The following SLC30A9 variants were observed in gnomAD, a reference collection of about 807,000 sequenced individuals.
The protein encoded by SLC30A9 is solute carrier family 30 member 9.
A neutral mutation model predicts 87.5 loss-of-function variants in SLC30A9; 58 were observed. The observed-to-expected ratio is 0.66, with a 90% CI of 0.54 to 0.82. SLC30A9 has a LOEUF of 0.82. Among genes scored for constraint, SLC30A9 ranks in the 40% least tolerant of loss-of-function variants. The pLI is 0.00. For synonymous variants in SLC30A9, 234 were observed against 233.0 expected (o/e 1.00, Z -0.04); for missense variants, 557 against 679.1 (o/e 0.82, Z 2.00).
intron 17 of SLC30A9, among the ~76,000 whole-genome samples, chr4:42,083,087 GAT>G (rs1481628644): frequency 3.3e-5 from 5 of 152,076 alleles, no homozygotes; most frequent in Non-Finnish European, 7.4e-5. Flanking sequence ...TGTTTATGAT[GAT>G]TAATGGAAAT....
chr4:42,021,457 T>G (rs1402975530), intron 4 of SLC30A9, among the ~76,000 whole-genome samples: 3 of 152,248 alleles, frequency 2.0e-5, no homozygotes, highest in African/African-American at 7.2e-5. Context: ...ACAGACTTTT[T>G]ATTTATAGAT....
chr4:42,001,828 T>A, intron 2 of SLC30A9, 48 bp downstream of exon 2: 1 of 1,311,116 alleles, frequency 7.6e-7, no homozygotes, highest in East Asian at 2.5e-5. Flanking sequence ...CTGGAATAGT[T>A]TGTGTAAAAT....
intron 17 of SLC30A9, 111 bp downstream of exon 17, chr4:42,078,436 A>G (rs1369231496): frequency 3.2e-6 from 2 of 620,246 alleles, no homozygotes; most frequent in South Asian, 1.9e-5. Flanking sequence ...TAACCCACTC[A>G]TAACTCCACA....
intron 2 of SLC30A9, among the ~76,000 whole-genome samples, chr4:42,016,519 C>T (rs970559161): frequency 4.6e-5 from 7 of 151,924 alleles, no homozygotes; most frequent in African/African-American, 9.7e-5. Context: ...TTGTGAACTT[C>T]GTTGTGATAG....
At chr4:42,018,905 G>C (rs909957104) in intron 3 of SLC30A9, among the ~76,000 whole-genome samples, 1 of 151,406 alleles carries the variant, frequency 6.6e-6, no homozygotes, top group Admixed American at 6.6e-5. Context: ...CCTGGGCCAG[G>C]GTTTTTTAGC....
At chr4:42,038,954 A>G in intron 7 of SLC30A9, 32 bp from the exon 8 acceptor site, 1 of 1,568,554 alleles carries the variant, frequency 6.4e-7, no homozygotes. Flanking sequence ...AAAATTTTGG[A>G]GGTATTAAAA....
At chr4:42,061,083 C>T (rs1469376500) in intron 10 of SLC30A9, among the ~76,000 whole-genome samples, 1 of 151,974 alleles carries the variant, frequency 6.6e-6, no homozygotes, top group African/African-American at 2.4e-5. Flanking sequence ...GTTTTATGTA[C>T]AAAAGATTTA....
chr4:42,015,847 A>G (rs1715696427), intron 2 of SLC30A9, among the ~76,000 whole-genome samples: 1 of 152,002 alleles, frequency 6.6e-6, no homozygotes, highest in South Asian at 2.1e-4. Context: ...TCTAGTATCT[A>G]TTCTTTTTTT....
At chr4:42,001,273 C>G (rs576523430) in intron 1 of SLC30A9, among the ~76,000 whole-genome samples, 186 of 152,136 alleles carry the variant, frequency 1.2e-3, no homozygotes, top group Middle Eastern at 3.4e-3. Flanking sequence ...AGGAAGTCTT[C>G]CTGACCTTCC....
At position 41,990,570 on chromosome 4, in the gene SLC30A9, T is replaced by A; in HGVS notation, c.-82T>A. On this transcript the variant is annotated 5_prime_UTR_variant, in exon 1 of 18. Transcript: ENST00000264451. ...GCGAAGCCATCGGTGTTCGCTGATG[T>A]CCAGTCTATGGAGTCAGTTGGTACC... 1 of 791,078 alleles carries A rather than the reference T, an allele frequency of 1.3e-6. No individual in the cohort carries two copies. The highest frequency in any genetic ancestry group is 2.0e-6 in the Non-Finnish European group (1 of 495,856). 49.0% of individuals were successfully genotyped at this position (791,078 alleles called of 1,614,324 possible).
intron 9 of SLC30A9, among the ~76,000 whole-genome samples, chr4:42,054,527 G>A (rs1227214379): frequency 6.9e-6 from 1 of 144,208 alleles, no homozygotes; most frequent in Non-Finnish European, 1.5e-5. Context: ...GTCTCGCTCT[G>A]TCACCCAGGC....
intron 2 of SLC30A9, among the ~76,000 whole-genome samples, chr4:42,011,314 A>C (rs1174881649): frequency 6.6e-6 from 1 of 152,170 alleles, no homozygotes; most frequent in Admixed American, 6.5e-5. Flanking sequence ...GCATGGGGGA[A>C]ACTGCTGCGT....
chr4:41,995,278 C>A (rs1424893694), intron 1 of SLC30A9, among the ~76,000 whole-genome samples: 1 of 152,100 alleles, frequency 6.6e-6, no homozygotes, highest in Non-Finnish European at 1.5e-5. Flanking sequence ...AAAAAAAGAC[C>A]ATTTAGGCAG....
chr4:42,046,576 AAG>A (rs1272656612), intron 8 of SLC30A9, among the ~76,000 whole-genome samples: 3 of 152,200 alleles, frequency 2.0e-5, no homozygotes, highest in Non-Finnish European at 4.4e-5. Context: ...TCAAGGAAAT[AAG>A]AGAGGACACA....
chr4:42,001,657 G>T lies in SLC30A9; in HGVS notation c.151G>T (p.Val51Phe). ...LVTFGSFSNM[V>F]PCSHPYIGTL... is the part of the protein sequence containing the mutation. ...GACATTTGGAAGCTTTTCAAACATG[G>T]TTCCCTGTAGTCATCCATATATTGG... The change falls in exon 2 of 18, where the codon GTT (valine) becomes TTT (phenylalanine). Residue 51 changes from valine (V) to phenylalanine (F), a missense_variant. This residue lies in a region of SLC30A9 where 467 missense variants were observed against 529.8 expected (regional missense o/e 0.88). Transcript: ENST00000264451. The T allele has an allele frequency of 6.2e-7, 1 of 1,600,984 alleles. No individual in the cohort carries two copies. Among genetic ancestry groups the T allele is most frequent in the Non-Finnish European group, 8.5e-7 (1 of 1,171,566 alleles).
At chr4:42,078,351 T>C (rs1718637167) in intron 17 of SLC30A9, 26 bp downstream of exon 17, 1 of 1,166,756 alleles carries the variant, frequency 8.6e-7, no homozygotes. Context: ...AAAAATAACA[T>C]AATGATAATG....
At chr4:42,024,106 G>A (rs1560541972) in intron 6 of SLC30A9, among the ~76,000 whole-genome samples, 1 of 152,186 alleles carries the variant, frequency 6.6e-6, no homozygotes, top group African/African-American at 2.4e-5. Context: ...TATTAACTCA[G>A]CTACATTAAT....
chr4:42,085,907 G>A (rs1167354575), intron 17 of SLC30A9, among the ~76,000 whole-genome samples, 175 bp from the exon 18 acceptor site: 2 of 151,210 alleles, frequency 1.3e-5, no homozygotes, highest in African/African-American at 2.4e-5. Context: ...ACTGTTTATA[G>A]TATGTCTATT....
In SLC30A9 at chr4:42,075,792, T is replaced by C. The variant is rs770103762; in HGVS notation, c.1548+6T>C. 2 of 1,607,468 alleles carry C rather than the reference T, an allele frequency of 1.2e-6. No individual in the cohort carries two copies. The highest frequency in any genetic ancestry group is 1.7e-6 in the Non-Finnish European group (2 of 1,175,718). On this transcript the variant is annotated splice_donor_region_variant and intron_variant, in intron 16 of 17. Transcript: ENST00000264451. ...ATTTTGACCAAATGTTACAAGTAAG[T>C]TTATTTGTTGTTTTCTTACATAACT...
Sources: gnomAD v4.1 joint callset for allele counts (sites outside exome capture counted in the v4.1 genomes callset) on GRCh38, gnomAD v4.1.1 for gene constraint, gnomAD v4.1.1 regional missense constraint, MANE v1.5 for transcripts, NCBI Gene and HGNC (gene_info 2026-07-23, HGNC 2026-07-21) for gene names.